HYDIN: variants seen among roughly 807,000 people sequenced by gnomAD.
The protein encoded by HYDIN is HYDIN axonemal central pair apparatus protein, also known as axonemal central pair apparatus protein HYDIN.
In HYDIN, 132 loss-of-function variants were observed where a neutral mutation model predicts 403.9. The observed-to-expected ratio is 0.33, with a 90% CI of 0.28 to 0.38. HYDIN has a LOEUF of 0.38. HYDIN is among the 10% of genes least tolerant of loss of function. The probability of loss-of-function intolerance (pLI) is 1.00; values close to 1 mark genes in which losing one functional copy is unlikely to be tolerated. For synonymous variants in HYDIN, 1,202 were observed against 1,891.7 expected (o/e 0.64, Z 9.46); for missense variants, 2,827 against 5,009.5 (o/e 0.56, Z 13.15).
intron 7 of HYDIN, among the ~76,000 whole-genome samples, chr16:71,151,374 G>A (rs1204009113): frequency 1.3e-5 from 2 of 151,886 alleles, no homozygotes; most frequent in African/African-American, 2.4e-5. Context: ...TCAAATACAC[G>A]TCCACAAAGC....
intron 47 of HYDIN, among the ~76,000 whole-genome samples, chr16:70,914,136 G>A (rs2076771357): frequency 6.6e-6 from 1 of 152,056 alleles, no homozygotes; most frequent in African/African-American, 2.4e-5. Context: ...GTATTGAGAT[G>A]TGAGGTACCA....
At chr16:71,109,354 T>C (rs2083731093) in intron 10 of HYDIN, among the ~76,000 whole-genome samples, 1 of 136,556 alleles carries the variant, frequency 7.3e-6, no homozygotes, top group Non-Finnish European at 1.5e-5. Flanking sequence ...AAAACCATTA[T>C]GTAAAGTATA....
intron 23 of HYDIN, among the ~76,000 whole-genome samples, chr16:71,002,501 A>T (rs1005836965): frequency 2.0e-5 from 3 of 151,648 alleles, no homozygotes; most frequent in African/African-American, 7.3e-5. Flanking sequence ...GCAGTGGGCC[A>T]TGATCATGTC....
intron 1 of HYDIN, among the ~76,000 whole-genome samples, chr16:71,205,400 G>A (rs2088242721): frequency 6.6e-6 from 1 of 152,224 alleles, no homozygotes; most frequent in South Asian, 2.1e-4. Context: ...ACAGACGCCT[G>A]TGCAAGACTG....
chr16:70,991,939 T>C (rs1306065030), intron 24 of HYDIN, 131 bp downstream of exon 24: 5 of 1,484,148 alleles, frequency 3.4e-6, no homozygotes, highest in African/African-American at 2.8e-5. Flanking sequence ...GGCCTACACA[T>C]AGAAGACATT....
At chr16:70,957,499 G>C (rs1336716995) in intron 39 of HYDIN, among the ~76,000 whole-genome samples, 8 of 151,946 alleles carry the variant, frequency 5.3e-5, no homozygotes, top group Admixed American at 5.2e-4. Context: ...GCTAATTTTT[G>C]TATTTTTAGT....
At chr16:70,834,216 G>A (rs2292129) in intron 78 of HYDIN, 52 bp from the exon 79 acceptor site, 8 of 1,449,816 alleles carry the variant, frequency 5.5e-6, no homozygotes, top group Non-Finnish European at 6.6e-6. Context: ...GGCCCCTAAG[G>A]CCTCGGTTCC....
In HYDIN at chr16:71,067,321, C is replaced by T; in HGVS notation, c.2044G>A (p.Glu682Lys). The T allele has an allele frequency of 6.2e-7, 1 of 1,613,212 alleles. No homozygotes were observed. Among genetic ancestry groups the T allele is most frequent in the South Asian group, 1.1e-5 (1 of 91,020 alleles). The change falls in exon 15 of 86, where the codon GAA becomes AAA. Residue 682 changes from glutamate (E) to lysine (K), a missense_variant. Transcript: ENST00000393567. ...GTAATTAAGAGCGCCAGCACCTCTT[C>T]TCCGATGCCCTCCACGTCCACCACG... Reference protein sequence around the residue: ...ALVVDVEGIGEEVLALLITAR... With the variant: ...ALVVDVEGIGKEVLALLITAR...
intron 1 of HYDIN, among the ~76,000 whole-genome samples, chr16:71,199,936 A>T (rs117427011): frequency 6.6e-6 from 1 of 152,180 alleles, no homozygotes; most frequent in Non-Finnish European, 1.5e-5. Context: ...CAGTTAAGGC[A>T]GTCTAAGTCA....
intron 21 of HYDIN, among the ~76,000 whole-genome samples, chr16:71,024,421 A>T (rs1270202567): frequency 1.3e-5 from 2 of 151,798 alleles, no homozygotes; most frequent in Non-Finnish European, 2.9e-5. Context: ...TCATGACCAC[A>T]TGGACGAACA....
intron 45 of HYDIN, among the ~76,000 whole-genome samples, chr16:70,930,425 G>A (rs2077283518): frequency 6.6e-6 from 1 of 151,990 alleles, no homozygotes; most frequent in African/African-American, 2.4e-5. Flanking sequence ...AGGTTGCAGT[G>A]AGCCAAGATT....
rs761616020 is a variant in HYDIN at position 71,175,592 on chromosome 16, C to T, written c.516+15G>A. The T allele has an allele frequency of 1.2e-6, 2 of 1,612,630 alleles. No individual in the cohort carries two copies. The highest frequency in any genetic ancestry group is 1.1e-5 in the South Asian group (1 of 90,970). ...CCAGTACAAGTGTCCAATTTCTTGC[C>T]ATTCCTGGTATTACCTTGTTCTCCT... On this transcript the variant is annotated intron_variant, in intron 5 of 85. Coordinates refer to ENST00000393567, the MANE Select transcript of HYDIN (RefSeq NM_001270974.2).
In HYDIN at chr16:70,985,157, A is replaced by T. The variant is rs759737706; in HGVS notation, c.4332+28T>A. 6 of 1,611,252 alleles carry T rather than the reference A, an allele frequency of 3.7e-6. No individual in the cohort carries two copies. The African/African-American group carries it at 6.7e-5, about 18-fold the overall frequency. Reference sequence around the variant, plus strand: ...TTCGGAGTGGGGCTCGTAGGTTTGAATTCGGGCCCCTCCCACCATTTACTT... The same window carrying T: ...TTCGGAGTGGGGCTCGTAGGTTTGATTTCGGGCCCCTCCCACCATTTACTT... On this transcript the variant is annotated intron_variant, in intron 28 of 85. Transcript: ENST00000393567.
At chr16:71,024,784 T>C (rs1441677034) in intron 21 of HYDIN, among the ~76,000 whole-genome samples, 1 of 147,844 alleles carries the variant, frequency 6.8e-6, no homozygotes. Context: ...TGACATTTAC[T>C]GTCTACCCTT....
intron 1 of HYDIN, among the ~76,000 whole-genome samples, chr16:71,212,627 T>C (rs71403839): frequency 0.049 from 7,373 of 151,674 alleles, 245 homozygotes; most frequent in Non-Finnish European, 0.079. Context: ...AAGTAGAAAA[T>C]AGATCAGAAG....
chr16:71,112,938 G>C (rs1000272933), intron 10 of HYDIN, among the ~76,000 whole-genome samples: 6 of 152,240 alleles, frequency 3.9e-5, no homozygotes, highest in Non-Finnish European at 7.3e-5. Context: ...TAAAACAATT[G>C]GGTTGTCAGG....
chr16:71,191,495 G>C (rs2087434489), intron 1 of HYDIN, among the ~76,000 whole-genome samples: 1 of 151,962 alleles, frequency 6.6e-6, no homozygotes, highest in South Asian at 2.1e-4. Context: ...TTTAAGAAAA[G>C]GCTGTTATAA....
In HYDIN at chr16:70,964,728, C is replaced by T. The variant is rs1267167288; in HGVS notation, c.5788G>A (p.Glu1930Lys). 5 of 1,611,952 alleles carry T rather than the reference C, an allele frequency of 3.1e-6. No individual in the cohort carries two copies. The highest frequency in any genetic ancestry group is 2.7e-5 in the African/African-American group (2 of 74,926). Reference sequence around the variant, plus strand: ...GGTGTTCTCCACATTGAGTTCTCACCATTCTCCTGTGCCAGATTCTCCAGA... The same window carrying T: ...GGTGTTCTCCACATTGAGTTCTCACTATTCTCCTGTGCCAGATTCTCCAGA... ...KYLENLAQENEEEDITSSDQG... is the reference protein window; with the variant it reads ...KYLENLAQENKEEDITSSDQG... The change falls in exon 37 of 86, where the codon GAA (glutamate) becomes AAA (lysine). Residue 1930 changes from glutamate (E) to lysine (K), a missense_variant and splice_region_variant. Glu to Lys is a moderately conservative substitution (Grantham distance 56, BLOSUM62 1). Coordinates refer to ENST00000393567, the MANE Select transcript of HYDIN (RefSeq NM_001270974.2).
intron 1 of HYDIN, among the ~76,000 whole-genome samples, chr16:71,227,813 T>G (rs1005734288): frequency 6.6e-6 from 1 of 152,134 alleles, no homozygotes; most frequent in African/African-American, 2.4e-5. Flanking sequence ...AAAACTACTT[T>G]AAAGTTCATA....
Sources: gnomAD v4.1 joint callset for allele counts (sites outside exome capture counted in the v4.1 genomes callset) on GRCh38, gnomAD v4.1.1 for gene constraint, MANE v1.5 for transcripts, NCBI Gene and HGNC (gene_info 2026-07-23, HGNC 2026-07-21) for gene names.